VWA3B: variants seen among roughly 807,000 people sequenced by gnomAD.
The protein encoded by VWA3B is von Willebrand factor A domain containing 3B, also known as von Willebrand factor A domain-containing protein 3B.
A neutral mutation model predicts 158.3 loss-of-function variants in VWA3B; 138 were observed. The ratio of observed to expected loss-of-function variants is 0.87; its 90% CI spans 0.76 to 1.00. VWA3B has a LOEUF of 1.00. VWA3B is among the 50% of genes least tolerant of loss of function. The probability of loss-of-function intolerance (pLI) is 0.00; values close to 1 mark genes in which losing one functional copy is unlikely to be tolerated. For missense variants in VWA3B, 1,555 were observed against 1,565.1 expected (o/e 0.99, Z 0.11); for synonymous variants, 596 against 587.3 (o/e 1.01, Z -0.21).
At chr2:98,180,382 C>T (rs111879652) in intron 8 of VWA3B, among the ~76,000 whole-genome samples, 1,730 of 152,228 alleles carry the variant, frequency 0.011, 24 homozygotes, top group African/African-American at 0.039. Flanking sequence ...GGTAGAGATG[C>T]GGTTTCGCCA....
chr2:98,308,422 C>T (rs1287786267), intron 26 of VWA3B, among the ~76,000 whole-genome samples: 1 of 152,202 alleles, frequency 6.6e-6, no homozygotes, highest in East Asian at 1.9e-4. Context: ...GGAGAATAGT[C>T]CGTATCCTGT....
rs752685774 is a variant in VWA3B at position 98,270,819 on chromosome 2, T to A, written c.2981T>A (p.Ile994Asn). The change falls in exon 22 of 28, where the codon ATC becomes AAC. Residue 994 changes from isoleucine to asparagine, a missense_variant. Coordinates refer to ENST00000477737, the MANE Select transcript of VWA3B (RefSeq NM_144992.5). ...ESEILAGKMY[I>N]QQAMELQEAA... ...GAAATCCTAGCTGGGAAAATGTACA[T>A]CCAGCAGGCCATGGAACTCCAGGAG... The A allele has an allele frequency of 3.1e-6, 5 of 1,614,054 alleles. No individual in the cohort carries two copies. The Admixed American group carries it at 8.3e-5, about 27-fold the overall frequency.
At chr2:98,095,844 G>T (rs564044857) in intron 2 of VWA3B, among the ~76,000 whole-genome samples, 1 of 152,204 alleles carries the variant, frequency 6.6e-6, no homozygotes, top group East Asian at 1.9e-4. Context: ...ATTGAGTTTT[G>T]TCAAATGCTT....
At chr2:98,166,135 G>A (rs1679054061) in intron 8 of VWA3B, among the ~76,000 whole-genome samples, 3 of 152,232 alleles carry the variant, frequency 2.0e-5, no homozygotes, top group Admixed American at 6.5e-5. Flanking sequence ...TCGGCAGTTC[G>A]AGACCAGCCT....
At chr2:98,309,607 GT>G (rs1449068316) in intron 26 of VWA3B, among the ~76,000 whole-genome samples, 7 of 152,218 alleles carry the variant, frequency 4.6e-5, no homozygotes, top group Non-Finnish European at 1.0e-4. Flanking sequence ...CGTGCGCAGT[GT>G]TTAACACTCC....
rs1261548734 is a variant in VWA3B, at chr2:98,270,845, G to T, written c.3007G>T (p.Ala1003Ser). Reference protein sequence around the residue: ...YIQQAMELQEAAKKNYANKAP... With the variant: ...YIQQAMELQESAKKNYANKAP... The stretch of plus-strand genomic sequence containing the variant: ...CCAGCAGGCCATGGAACTCCAGGAG[G>T]CTGCCAAGAAGAATTATGCAAACAA... The change falls in exon 22 of 28, where the codon GCT (alanine) becomes TCT (serine). Residue 1003 changes from alanine (A) to serine (S), a missense_variant. Transcript: ENST00000477737. The T allele has an allele frequency of 1.9e-6, 3 of 1,614,066 alleles. No individual in the cohort carries two copies. Among genetic ancestry groups the T allele is most frequent in the East Asian group, 2.2e-5 (1 of 44,878 alleles).
the VWA3B span, among the ~76,000 whole-genome samples, chr2:98,321,828 G>T: frequency 6.6e-6 from 1 of 152,186 alleles, no homozygotes; most frequent in Admixed American, 6.5e-5. Flanking sequence ...TTTGGGAGGG[G>T]CTAGTGGTGG....
At chr2:98,322,864 CAGACTAGAGAT>C in the VWA3B span, among the ~76,000 whole-genome samples, 1,604 of 152,278 alleles carry the variant, frequency 0.011, 34 homozygotes, top group African/African-American at 0.037. Context: ...GCCATAAGAA[CAGACTAGAGAT>C]GTGAACTCCT....
intron 23 of VWA3B, chr2:98,290,824 G>T (rs1040327334): frequency 6.3e-6 from 3 of 476,444 alleles, no homozygotes; most frequent in Non-Finnish European, 1.1e-5. Flanking sequence ...AAAGTAGCCA[G>T]AAAAATGCAC....
In VWA3B at chr2:98,247,224, C is replaced by G. The variant is rs544281891; in HGVS notation, c.2674-3094C>G. Among the ~76,000 whole-genome samples, 17 of 152,132 alleles carry G rather than the reference C, an allele frequency of 1.1e-4. No homozygotes were observed. The East Asian group carries it at 3.1e-3, about 28-fold the overall frequency. ...TGTTGGCCAGGCTGGTCTTGATCTC[C>G]TGACCTCAAGTGATCCACCCGCCTC... On this transcript the variant is annotated intron_variant, in intron 19 of 27. Transcript: ENST00000477737.
intron 7 of VWA3B, among the ~76,000 whole-genome samples, chr2:98,160,115 G>C (rs796485531): frequency 2.3e-4 from 35 of 152,186 alleles, no homozygotes; most frequent in African/African-American, 7.5e-4. Flanking sequence ...TGAACAGCGG[G>C]GTTTCCTGTG....
chr2:98,096,426 G>T (rs1573745349), intron 2 of VWA3B, among the ~76,000 whole-genome samples: 1 of 152,068 alleles, frequency 6.6e-6, no homozygotes, highest in African/African-American at 2.4e-5. Context: ...GTGCCACCAT[G>T]CCCAGCAAAT....
At chr2:98,176,419 A>G (rs923202693) in intron 8 of VWA3B, among the ~76,000 whole-genome samples, 2 of 138,174 alleles carry the variant, frequency 1.4e-5, no homozygotes, top group Non-Finnish European at 1.5e-5. Context: ...CCTAATCTCA[A>G]TTGTTCCATA....
At chr2:98,091,017 GA>G (rs1389411564) in intron 1 of VWA3B, among the ~76,000 whole-genome samples, 1 of 152,094 alleles carries the variant, frequency 6.6e-6, no homozygotes, top group Non-Finnish European at 1.5e-5. Flanking sequence ...AACGTGCTGG[GA>G]TTACAGGCAT....
chr2:98,201,362 T>C (rs1682531674), intron 12 of VWA3B, among the ~76,000 whole-genome samples: 1 of 152,234 alleles, frequency 6.6e-6, no homozygotes, highest in South Asian at 2.1e-4. Context: ...ACCTTGCTAA[T>C]CTTACTTACC....
At chr2:98,108,080 A>G (rs1252699658) in intron 2 of VWA3B, among the ~76,000 whole-genome samples, 1 of 152,072 alleles carries the variant, frequency 6.6e-6, no homozygotes, top group Admixed American at 6.5e-5. Context: ...CACTTAATTA[A>G]AAGTCTTTTA....
chr2:98,227,899 T>C (rs1685041726), intron 14 of VWA3B, among the ~76,000 whole-genome samples: 1 of 152,266 alleles, frequency 6.6e-6, no homozygotes, highest in African/African-American at 2.4e-5. Flanking sequence ...GCTTGTTGTA[T>C]GTGAATTACA....
At chr2:98,188,409 A>G (rs1211937049) in intron 10 of VWA3B, among the ~76,000 whole-genome samples, 5 of 152,092 alleles carry the variant, frequency 3.3e-5, no homozygotes, top group Non-Finnish European at 5.9e-5. Context: ...ATAGCTGACC[A>G]TATTGACCCT....
At chr2:98,156,873 T>C (rs1053935683) in intron 7 of VWA3B, among the ~76,000 whole-genome samples, 2 of 152,190 alleles carry the variant, frequency 1.3e-5, no homozygotes, top group Non-Finnish European at 2.9e-5. Flanking sequence ...TCTCCTTCCC[T>C]GGGTCTTTAT....
Sources: gnomAD v4.1 joint callset for allele counts (sites outside exome capture counted in the v4.1 genomes callset) on GRCh38, gnomAD v4.1.1 for gene constraint, MANE v1.5 for transcripts, NCBI Gene and HGNC (gene_info 2026-07-23, HGNC 2026-07-21) for gene names.